Variants in OGDH observed in about 807,000 individuals in gnomAD.
OGDH encodes the protein oxoglutarate dehydrogenase, also known as 2-oxoglutarate dehydrogenase complex component E1.
A neutral mutation model predicts 116.6 loss-of-function variants in OGDH; 38 were observed. The observed-to-expected ratio is 0.33, with a 90% confidence interval of 0.25 to 0.43. The LOEUF (loss-of-function observed/expected upper bound fraction) is 0.43. Ranked by LOEUF, OGDH falls within the 20% of genes least tolerant of loss-of-function variation. The probability of loss-of-function intolerance (pLI) is 1.00; values close to 1 mark genes in which losing one functional copy is unlikely to be tolerated. For synonymous variants in OGDH, 488 were observed against 533.3 expected (o/e 0.92, Z 1.17); for missense variants, 825 against 1,357.2 (o/e 0.61, Z 6.16).
chr7:44,668,453 A>G (rs1787281629), intron 5 of OGDH, among the ~76,000 whole-genome samples: 1 of 152,058 alleles, frequency 6.6e-6, no homozygotes, highest in African/African-American at 2.4e-5. Flanking sequence ...AACAAAAAAA[A>G]ACTGAGTGTC....
At chr7:44,679,125 T>C (rs1324956336) in intron 9 of OGDH, among the ~76,000 whole-genome samples, 2 of 152,188 alleles carry the variant, frequency 1.3e-5, no homozygotes, top group East Asian at 1.9e-4. Flanking sequence ...CAGTATGGCA[T>C]GGTAGTCGCA....
chr7:44,624,555 G>A lies in OGDH; in HGVS notation c.212G>A (p.Ser71Asn). Residue 71 changes from serine to asparagine, a missense_variant, in exon 2 of 23, where the codon AGT becomes AAT. Physicochemically the swap from Ser to Asn is conservative, Grantham distance 46 (BLOSUM62 1). This residue lies in a region of OGDH where 126 missense variants were observed against 130.4 expected (regional missense o/e 0.97). Coordinates refer to ENST00000222673, the MANE Select transcript of OGDH (RefSeq NM_002541.4). ...MYCAWLENPK[S>N]VHKSWDIFFR... Reference sequence around the variant, plus strand: ...TGTGCTTGGCTGGAAAACCCCAAAAGTGTACATAAGGTAAGGCTCGCAGGG... The same window carrying A: ...TGTGCTTGGCTGGAAAACCCCAAAAATGTACATAAGGTAAGGCTCGCAGGG... 6.2e-7 allele frequency: 1 copy of A among 1,613,514 alleles called. No individual in the cohort carries two copies. Among genetic ancestry groups the A allele is most frequent in the Non-Finnish European group, 8.5e-7 (1 of 1,179,966 alleles).
At chr7:44,665,285 T>TAA (rs61608424) in intron 4 of OGDH, among the ~76,000 whole-genome samples, 10,575 of 91,742 alleles carry the variant, frequency 0.12, 1,136 homozygotes, top group East Asian at 0.38. Flanking sequence ...CCCTCCAGGT[T>TAA]AAAAAAAAAA....
In OGDH at chr7:44,645,363, G is replaced by C. The variant is rs756836223; in HGVS notation, c.259G>C (p.Ala87Pro). The change falls in exon 3 of 23, where the codon GCC becomes CCC. Residue 87 changes from alanine (A) to proline (P), a missense_variant. Transcript: ENST00000222673. ...TTTTTTTCGCAACACGAATGCCGGA[G>C]CCCCACCGGGCACTGCCTACCAGAG... The part of the protein sequence containing the change: ...DIFFRNTNAG[A>P]PPGTAYQSPL... The C allele has an allele frequency of 6.2e-7, 1 of 1,613,944 alleles. No homozygotes were observed. The highest frequency in any genetic ancestry group is 8.5e-7 in the Non-Finnish European group (1 of 1,179,998).
chr7:44,666,639 C>A, intron 4 of OGDH, 97 bp from the exon 5 acceptor site: 2 of 524,008 alleles, frequency 3.8e-6, no homozygotes, highest in South Asian at 4.4e-5. Context: ...TTTTTGCTCA[C>A]CTGGGGAGTT....
intron 2 of OGDH, among the ~76,000 whole-genome samples, chr7:44,626,306 T>TAC (rs374833881): frequency 0.3 from 40,752 of 136,688 alleles, 6,465 homozygotes; most frequent in Non-Finnish European, 0.4. Flanking sequence ...CACACACCCC[T>TAC]ACACACACAC....
At chr7:44,643,677 A>G (rs1786048738) in intron 2 of OGDH, among the ~76,000 whole-genome samples, 1 of 152,200 alleles carries the variant, frequency 6.6e-6, no homozygotes, top group Non-Finnish European at 1.5e-5. Flanking sequence ...TTCTGTAGCC[A>G]TCTCTACCTT....
chr7:44,666,603 G>A, intron 4 of OGDH, 133 bp from the exon 5 acceptor site: 1 of 422,224 alleles, frequency 2.4e-6, no homozygotes, highest in Non-Finnish European at 4.3e-6. Flanking sequence ...TATATCAGGG[G>A]CTTTTTATAT....
chr7:44,699,286 C>T (rs1788720715), intron 18 of OGDH, among the ~76,000 whole-genome samples: 1 of 151,740 alleles, frequency 6.6e-6, no homozygotes. Flanking sequence ...ATTATTCAGG[C>T]GTGGTGGCGG....
Position 44,649,501 on chromosome 7 carries a change from C to T in OGDH, c.517+1742C>T, listed in dbSNP as rs555936683. On this transcript the variant is annotated intron_variant, in intron 4 of 22. Coordinates refer to ENST00000222673, the MANE Select transcript of OGDH (RefSeq NM_002541.4). ...TGCTGAGATTACTGGTGTGAGCCAC[C>T]GCGCCTGGCTGGAATGCTCATTTTT... Among the ~76,000 whole-genome samples, 3 of 152,094 alleles carry T rather than the reference C, an allele frequency of 2.0e-5. No individual in the cohort carries two copies. In the South Asian group the frequency reaches 6.2e-4, roughly 32 times the overall value.
At chr7:44,695,726 AG>A (rs1051535338) in intron 12 of OGDH, among the ~76,000 whole-genome samples, 12 of 151,272 alleles carry the variant, frequency 7.9e-5, no homozygotes, top group Non-Finnish European at 1.6e-4. Context: ...AAAGTGGTGA[AG>A]GGTTAGGGGT....
chr7:44,648,482 C>T (rs764480733), intron 4 of OGDH, among the ~76,000 whole-genome samples: 1 of 152,188 alleles, frequency 6.6e-6, no homozygotes, highest in Non-Finnish European at 1.5e-5. Flanking sequence ...CACTGTGCTG[C>T]TAACCTGTAC....
intron 1 of OGDH, among the ~76,000 whole-genome samples, chr7:44,621,868 A>G (rs1785023518): frequency 7.5e-6 from 1 of 133,276 alleles, no homozygotes; most frequent in African/African-American, 2.5e-5. Flanking sequence ...AAGACTCCGT[A>G]TCAAAAAAAA....
chr7:44,632,475 TA>T (rs970394759), intron 2 of OGDH, among the ~76,000 whole-genome samples: 1 of 152,194 alleles, frequency 6.6e-6, no homozygotes, highest in African/African-American at 2.4e-5. Flanking sequence ...ACTAATATTT[TA>T]TATTTTTTAT....
chr7:44,661,576 T>G (rs1272737259), intron 4 of OGDH, among the ~76,000 whole-genome samples: 1 of 152,102 alleles, frequency 6.6e-6, no homozygotes, highest in Non-Finnish European at 1.5e-5. Flanking sequence ...TAAAAATTTT[T>G]TTTTAATTAT....
At chr7:44,678,551 A>T (rs1787796603) in intron 9 of OGDH, among the ~76,000 whole-genome samples, 1 of 152,224 alleles carries the variant, frequency 6.6e-6, no homozygotes, top group Non-Finnish European at 1.5e-5. Flanking sequence ...TGATTTGCTC[A>T]TAAGTCTGCA....
chr7:44,703,047 C>G (rs1316888720), intron 20 of OGDH, among the ~76,000 whole-genome samples: 1 of 152,180 alleles, frequency 6.6e-6, no homozygotes, highest in Non-Finnish European at 1.5e-5. Flanking sequence ...TCCCTTGCGA[C>G]TGGCTTGTTT....
chr7:44,611,565 C>G (rs1457917992), intron 1 of OGDH, among the ~76,000 whole-genome samples: 1 of 151,812 alleles, frequency 6.6e-6, no homozygotes, highest in Non-Finnish European at 1.5e-5. Flanking sequence ...CGTGAGCCAC[C>G]GTGCCTGGCC....
At chr7:44,619,315 A>G (rs1485457394) in intron 1 of OGDH, among the ~76,000 whole-genome samples, 2 of 152,188 alleles carry the variant, frequency 1.3e-5, no homozygotes, top group Non-Finnish European at 2.9e-5. Context: ...TGCGATTGAC[A>G]TCGGAAGTAG....
Sources: allele counts gnomAD v4.1 joint callset (sites outside exome capture counted in the v4.1 genomes callset), GRCh38; gene constraint gnomAD v4.1.1; regional missense constraint gnomAD v4.1.1; transcripts MANE v1.5; gene names NCBI Gene and HGNC (gene_info 2026-07-23, HGNC 2026-07-21).